Variants in PPARGC1A observed in about 807,000 individuals in gnomAD.
PPARGC1A encodes peroxisome proliferator-activated receptor gamma coactivator 1-alpha.
PPARGC1A carries 25 observed loss-of-function variants against 88.7 expected under a neutral mutation model. The ratio of observed to expected loss-of-function variants is 0.28; its 90% CI spans 0.21 to 0.39. The LOEUF is 0.39. PPARGC1A is among the 10% of genes least tolerant of loss of function. The probability of loss-of-function intolerance (pLI) is 1.00; values close to 1 mark genes in which losing one functional copy is unlikely to be tolerated. For missense variants in PPARGC1A, 880 were observed against 968.7 expected (o/e 0.91, Z 1.22); for synonymous variants, 363 against 355.6 (o/e 1.02, Z -0.24).
At chr4:24,121,339 A>G in the PPARGC1A span, among the ~76,000 whole-genome samples, 1 of 152,046 alleles carries the variant, frequency 6.6e-6, no homozygotes, top group South Asian at 2.1e-4. Context: ...GCCCTCAGGA[A>G]CCTCTGAACA....
chr4:24,363,869 G>T, the PPARGC1A span, among the ~76,000 whole-genome samples: 1 of 152,176 alleles, frequency 6.6e-6, no homozygotes, highest in Non-Finnish European at 1.5e-5. Context: ...GCAGGGAGTT[G>T]TAGGCCCCTC....
At chr4:24,411,557 C>T in the PPARGC1A span, among the ~76,000 whole-genome samples, 3 of 152,304 alleles carry the variant, frequency 2.0e-5, no homozygotes, top group Admixed American at 6.5e-5. Flanking sequence ...TTAGGGTTCA[C>T]GGTTGCTATT....
the PPARGC1A span, among the ~76,000 whole-genome samples, chr4:24,436,720 C>T: frequency 5.4e-4 from 76 of 140,084 alleles, no homozygotes; most frequent in Non-Finnish European, 8.2e-4. Flanking sequence ...GAGCTGACAT[C>T]GATTGGCCAC....
the PPARGC1A span, among the ~76,000 whole-genome samples, chr4:24,041,165 C>T: frequency 6.6e-6 from 1 of 152,254 alleles, no homozygotes; most frequent in South Asian, 2.1e-4. Context: ...GGGAGACTGA[C>T]CTTTAAAGAT....
At chr4:23,987,935 A>G in the PPARGC1A span, among the ~76,000 whole-genome samples, 1 of 151,272 alleles carries the variant, frequency 6.6e-6, no homozygotes, top group Non-Finnish European at 1.5e-5. Flanking sequence ...GCTATCTCTC[A>G]CCTAGCCCAC....
the PPARGC1A span, among the ~76,000 whole-genome samples, chr4:24,105,570 G>A: frequency 2.6e-5 from 4 of 152,110 alleles, no homozygotes; most frequent in African/African-American, 9.7e-5. Context: ...AGTATGTCTG[G>A]AGTCGTGCCC....
chr4:23,854,841 G>T (rs1014945370), intron 2 of PPARGC1A, among the ~76,000 whole-genome samples: 1 of 152,086 alleles, frequency 6.6e-6, no homozygotes, highest in African/African-American at 2.4e-5. Flanking sequence ...AGAAAAAAAG[G>T]GGAAGGAAGG....
At chr4:24,298,828 A>G in the PPARGC1A span, among the ~76,000 whole-genome samples, 1 of 152,196 alleles carries the variant, frequency 6.6e-6, no homozygotes, top group African/African-American at 2.4e-5. Flanking sequence ...TTTTACTGGT[A>G]TCTGTCGTAC....
At chr4:24,317,593 A>C in the PPARGC1A span, among the ~76,000 whole-genome samples, 1 of 141,480 alleles carries the variant, frequency 7.1e-6, no homozygotes, top group Admixed American at 7.0e-5. Flanking sequence ...AAAAAAAAAA[A>C]AAACACCACC....
At chr4:24,373,470 G>A in the PPARGC1A span, among the ~76,000 whole-genome samples, 34 of 152,324 alleles carry the variant, frequency 2.2e-4, no homozygotes, top group African/African-American at 7.7e-4. Context: ...ACGCTAAAAT[G>A]TTAATATCGT....
the PPARGC1A span, among the ~76,000 whole-genome samples, chr4:24,048,995 T>C: frequency 1.3e-5 from 2 of 152,016 alleles, no homozygotes; most frequent in Non-Finnish European, 2.9e-5. Context: ...GAACTCTCAA[T>C]TATCCATATG....
At chr4:24,008,385 T>A in the PPARGC1A span, among the ~76,000 whole-genome samples, 2,577 of 152,276 alleles carry the variant, frequency 0.017, 78 homozygotes, top group African/African-American at 0.059. Context: ...TACAAACTGA[T>A]CTTATTCCAC....
chr4:24,044,136 C>T, the PPARGC1A span, among the ~76,000 whole-genome samples: 1 of 152,314 alleles, frequency 6.6e-6, no homozygotes, highest in South Asian at 2.1e-4. Context: ...GGCTGAAGCT[C>T]CTTCAAGAAG....
chr4:24,276,035 C>A, the PPARGC1A span, among the ~76,000 whole-genome samples: 1 of 152,176 alleles, frequency 6.6e-6, no homozygotes, highest in Non-Finnish European at 1.5e-5. Context: ...AAAAACACTA[C>A]AAAGTGATCG....
the PPARGC1A span, among the ~76,000 whole-genome samples, chr4:24,387,759 AGAGAGAG>A: frequency 8.2e-4 from 67 of 81,766 alleles, 1 homozygote; most frequent in African/African-American, 3.1e-3. Context: ...AGAGAGAGAG[AGAGAGAG>A]AGAAAGAAAG....
chr4:23,821,261 C>T (rs990909529), intron 7 of PPARGC1A, among the ~76,000 whole-genome samples: 7 of 152,044 alleles, frequency 4.6e-5, no homozygotes, highest in African/African-American at 1.2e-4. Context: ...CTTGTGTCAA[C>T]GTATAAATCT....
the PPARGC1A span, among the ~76,000 whole-genome samples, chr4:24,385,981 C>A: frequency 7.9e-5 from 12 of 152,194 alleles, no homozygotes; most frequent in African/African-American, 2.6e-4. Context: ...AACATCAGTG[C>A]GAAAATTCTC....
the PPARGC1A span, among the ~76,000 whole-genome samples, chr4:24,343,169 TTGTTC>T: frequency 1.3e-5 from 2 of 152,192 alleles, no homozygotes; most frequent in Non-Finnish European, 1.5e-5. Flanking sequence ...CATAAATGGA[TTGTTC>T]TGTGCCCATA....
rs752613198 is a variant in PPARGC1A, at chr4:23,829,441, A to G, written c.552+22T>C. 9 of 1,610,518 alleles carry G rather than the reference A, an allele frequency of 5.6e-6. No individual in the cohort carries two copies. In the African/African-American group the frequency reaches 8.0e-5, roughly 14 times the overall value. On this transcript the variant is annotated intron_variant, in intron 4 of 12. Coordinates refer to ENST00000264867, the MANE Select transcript of PPARGC1A (RefSeq NM_013261.5). ...AAATCCTTTGGTACATCCCCCCTGTATTAAAAAATTTACATTTGTACCTTA... is the reference window on the plus strand; with the variant it reads ...AAATCCTTTGGTACATCCCCCCTGTGTTAAAAAATTTACATTTGTACCTTA...
Sources: allele counts gnomAD v4.1 joint callset (sites outside exome capture counted in the v4.1 genomes callset), GRCh38; gene constraint gnomAD v4.1.1; transcripts MANE v1.5; gene names NCBI Gene and HGNC (gene_info 2026-07-23, HGNC 2026-07-21).